Variants in PRKG1 observed in about 807,000 individuals in gnomAD.
The protein encoded by PRKG1 is cGMP-dependent protein kinase 1.
Under a neutral mutation model 88.1 loss-of-function variants are expected in PRKG1, and 35 were observed. The observed-to-expected ratio is 0.40, with a 90% confidence interval of 0.30 to 0.53. The LOEUF (loss-of-function observed/expected upper bound fraction) is 0.53. Ranked by LOEUF, PRKG1 falls within the 20% of genes least tolerant of loss-of-function variation. PRKG1 has a pLI of 0.59. For missense variants in PRKG1, 540 were observed against 839.8 expected (o/e 0.64, Z 4.41); for synonymous variants, 303 against 292.5 (o/e 1.04, Z -0.37).
chr10:51,840,986 A>G (rs753201967), intron 4 of PRKG1, among the ~76,000 whole-genome samples: 2 of 152,244 alleles, frequency 1.3e-5, no homozygotes, highest in African/African-American at 2.4e-5. Flanking sequence ...TATGAATCCC[A>G]GGATTTCAGA....
At chr10:51,689,843 T>C (rs1841090999) in intron 3 of PRKG1, among the ~76,000 whole-genome samples, 1 of 152,144 alleles carries the variant, frequency 6.6e-6, no homozygotes, top group African/African-American at 2.4e-5. Flanking sequence ...GCAAATTCAA[T>C]TAAATAAAAC....
intron 2 of PRKG1, among the ~76,000 whole-genome samples, chr10:51,164,941 C>T (rs138243283): frequency 6.2e-4 from 95 of 152,214 alleles, no homozygotes; most frequent in Middle Eastern, 6.8e-3. Flanking sequence ...CTGAAATTGA[C>T]GGGGAAAATG....
At position 51,899,037 on chromosome 10, in the gene PRKG1, C is replaced by T. The variant is rs1405163383; in HGVS notation, c.699-8470C>T. Among the ~76,000 whole-genome samples, 6 of 152,062 alleles carry T rather than the reference C, an allele frequency of 3.9e-5. 1 individual carries two copies. The highest frequency in any genetic ancestry group is 1.4e-4 in the African/African-American group (6 of 41,428). The stretch of plus-strand genomic sequence containing the variant: ...ATATCTGTTAACCTTTTGATTTTTT[C>T]CTGCAAAGCTCTATTCACAATTGTA... On this transcript the variant is annotated intron_variant, in intron 4 of 17. Transcript: ENST00000373980.
intron 3 of PRKG1, among the ~76,000 whole-genome samples, chr10:51,542,820 G>A (rs1423192484): frequency 6.6e-6 from 1 of 152,118 alleles, no homozygotes; most frequent in African/African-American, 2.4e-5. Flanking sequence ...TGTGGCCTTA[G>A]GCAAGTTATG....
Position 52,159,774 on chromosome 10 carries a change from TA to T in PRKG1, c.1002-2107del, listed in dbSNP as rs199913672. Reference sequence around the variant, plus strand: ...TAATAGAAGGAAGACAGGATTTTTTTAAAAAAAACTACTTGAACTCTCAGAA... The same window carrying T: ...TAATAGAAGGAAGACAGGATTTTTTTAAAAAAACTACTTGAACTCTCAGAA... On this transcript the variant is annotated intron_variant, in intron 8 of 17. Coordinates refer to ENST00000373980, the MANE Select transcript of PRKG1 (RefSeq NM_006258.4). 1.1e-3 allele frequency among the ~76,000 whole-genome samples: 168 copies of T among 151,732 alleles called. 3 individuals are homozygous for T. The East Asian group carries it at 0.028, about 26-fold the overall frequency.
chr10:51,697,998 T>A, intron 3 of PRKG1: 1 of 1,612,820 alleles, frequency 6.2e-7, no homozygotes, highest in Non-Finnish European at 8.5e-7. Flanking sequence ...GCTCCCTGCA[T>A]GCCTGTTCCT....
intron 1 of PRKG1, among the ~76,000 whole-genome samples, chr10:51,107,213 G>A (rs760750505): frequency 6.6e-6 from 1 of 152,182 alleles, no homozygotes; most frequent in African/African-American, 2.4e-5. Context: ...CTAGAGCACA[G>A]TGAGTGAGTG....
At chr10:51,496,744 T>A (rs978241090) in intron 3 of PRKG1, among the ~76,000 whole-genome samples, 3 of 152,152 alleles carry the variant, frequency 2.0e-5, no homozygotes, top group African/African-American at 7.2e-5. Flanking sequence ...ATGCTCATAT[T>A]GATAAATAAT....
Position 51,867,916 on chromosome 10 carries a change from A to G in PRKG1, c.699-39591A>G, listed in dbSNP as rs188253223. Among the ~76,000 whole-genome samples the G allele has an allele frequency of 4.0e-3, 606 of 152,322 alleles. 1 individual carries two copies. The highest frequency in any genetic ancestry group is 0.013 in the African/African-American group (536 of 41,580). ...TTTAGTTACATTTTATTTAAAAAAG[A>G]AAATTTAAAGTATGGTTTCATTTGT... is the stretch of plus-strand genomic sequence containing the variant. On this transcript the variant is annotated intron_variant, in intron 4 of 17. Coordinates refer to ENST00000373980, the MANE Select transcript of PRKG1 (RefSeq NM_006258.4).
chr10:51,632,150 C>T lies in PRKG1; in HGVS notation c.592+164314C>T, dbSNP rs568753426. Among the ~76,000 whole-genome samples, 4 of 151,684 alleles carry T rather than the reference C, an allele frequency of 2.6e-5. No individual in the cohort carries two copies. The East Asian group carries it at 7.8e-4, about 29-fold the overall frequency. On this transcript the variant is annotated intron_variant, in intron 3 of 17. Transcript: ENST00000373980. ...ATCAGCAATCGTTAGTATTAATGTA[C>T]TATATGTGTGGCCCAAGACAGTTCT...
intron 3 of PRKG1, among the ~76,000 whole-genome samples, chr10:51,592,359 G>A (rs903784802): frequency 3.9e-5 from 6 of 152,146 alleles, no homozygotes; most frequent in African/African-American, 1.4e-4. Flanking sequence ...GATCTACTAG[G>A]ATTCTACTTG....
At chr10:51,467,645 T>A in intron 2 of PRKG1, 78 bp from the exon 3 acceptor site, 1 of 1,161,844 alleles carries the variant, frequency 8.6e-7, no homozygotes, top group South Asian at 1.3e-5. Context: ...AGCCTAACAC[T>A]CCTCTTCACA....
rs963624109 is a variant in PRKG1 at position 51,647,825 on chromosome 10, A to G, written c.593-156760A>G. Among the ~76,000 whole-genome samples, 45 of 152,248 alleles carry G rather than the reference A, an allele frequency of 3.0e-4. 1 individual carries two copies. The highest frequency in any genetic ancestry group is 1.1e-3 in the African/African-American group (45 of 41,560). ...ATTTTAGAACATTATAAAACCACCT[A>G]ATGGTTTACCTAATTTATCTGATAA... On this transcript the variant is annotated intron_variant, in intron 3 of 17. Coordinates refer to ENST00000373980, the MANE Select transcript of PRKG1 (RefSeq NM_006258.4).
intron 3 of PRKG1, among the ~76,000 whole-genome samples, chr10:51,637,465 A>T (rs1056650062): frequency 6.6e-6 from 1 of 152,242 alleles, no homozygotes; most frequent in Admixed American, 6.5e-5. Flanking sequence ...AGATACGCAT[A>T]TGTATGCGTT....
chr10:51,091,957 G>A (rs1200530826), intron 1 of PRKG1, among the ~76,000 whole-genome samples: 3 of 152,110 alleles, frequency 2.0e-5, no homozygotes, highest in Non-Finnish European at 4.4e-5. Context: ...ACTCTGGTAA[G>A]CAAACTGTAT....
intron 5 of PRKG1, among the ~76,000 whole-genome samples, chr10:52,021,424 T>C (rs992686694): frequency 1.3e-5 from 2 of 152,154 alleles, no homozygotes; most frequent in African/African-American, 4.8e-5. Context: ...AAATATCTTT[T>C]GAATGAATAG....
At chr10:51,461,508 C>A (rs1449039564) in intron 2 of PRKG1, among the ~76,000 whole-genome samples, 1 of 152,076 alleles carries the variant, frequency 6.6e-6, no homozygotes, top group Non-Finnish European at 1.5e-5. Flanking sequence ...TAAAATAGGG[C>A]CGTTTCTCAC....
intron 3 of PRKG1, among the ~76,000 whole-genome samples, chr10:51,542,062 G>C (rs545226854): frequency 8.5e-5 from 13 of 152,132 alleles, no homozygotes; most frequent in African/African-American, 2.9e-4. Context: ...GATGGGATTA[G>C]ATGACAGATG....
At chr10:51,822,628 G>T (rs996490245) in intron 4 of PRKG1, among the ~76,000 whole-genome samples, 1 of 152,096 alleles carries the variant, frequency 6.6e-6, no homozygotes, top group African/African-American at 2.4e-5. Context: ...ATAATGTTCT[G>T]TGTCCCACCA....
Sources: gnomAD v4.1 joint callset for allele counts (sites outside exome capture counted in the v4.1 genomes callset) on GRCh38, gnomAD v4.1.1 for gene constraint, MANE v1.5 for transcripts, NCBI Gene and HGNC (gene_info 2026-07-23, HGNC 2026-07-21) for gene names.